The following ZSCAN5A variants were observed in gnomAD, a reference collection of about 807,000 sequenced individuals.
ZSCAN5A encodes zinc finger and SCAN domain-containing protein 5A.
ZSCAN5A carries 12 observed loss-of-function variants against 23.7 expected under a neutral mutation model. The observed-to-expected ratio is 0.51, with a 90% CI of 0.32 to 0.82. ZSCAN5A has a LOEUF of 0.82. Among genes scored for constraint, ZSCAN5A ranks in the 40% least tolerant of loss-of-function variants. ZSCAN5A has a pLI of 0.03. For missense variants in ZSCAN5A, 597 were observed against 617.9 expected (o/e 0.97, Z 0.36); for synonymous variants, 257 against 239.9 (o/e 1.07, Z -0.66).
At chr19:56,295,654 T>C (rs1342559056) in intron 2 of ZSCAN5A, among the ~76,000 whole-genome samples, 1 of 152,042 alleles carries the variant, frequency 6.6e-6, no homozygotes, top group East Asian at 1.9e-4. Flanking sequence ...GCGTGGCGGC[T>C]TCCTTCCCAG....
At chr19:56,350,999 C>G (rs898023771) in intron 2 of ZSCAN5A, among the ~76,000 whole-genome samples, 4 of 152,060 alleles carry the variant, frequency 2.6e-5, no homozygotes, top group African/African-American at 7.2e-5. Context: ...TGTCCCCCCC[C>G]AACCACACGC....
intron 1 of ZSCAN5A, chr19:56,364,945 A>C (rs2041755838): frequency 6.6e-6 from 1 of 152,210 alleles, no homozygotes; most frequent in Non-Finnish European, 1.5e-5. Flanking sequence ...TGTGATGGAA[A>C]TATTCTTTAC....
chr19:56,264,814 G>C (rs1264155427), intron 2 of ZSCAN5A, among the ~76,000 whole-genome samples: 1 of 152,086 alleles, frequency 6.6e-6, no homozygotes, highest in Non-Finnish European at 1.5e-5. Flanking sequence ...TCACACTAAA[G>C]CTTTTAGTCA....
chr19:56,233,776 A>T (rs2034660003), intron 2 of ZSCAN5A, among the ~76,000 whole-genome samples: 1 of 151,870 alleles, frequency 6.6e-6, no homozygotes, highest in Admixed American at 6.6e-5. Flanking sequence ...ACACTGTATC[A>T]GCATGTGTGT....
At chr19:56,234,352 G>A (rs988150351) in intron 2 of ZSCAN5A, among the ~76,000 whole-genome samples, 13 of 152,192 alleles carry the variant, frequency 8.5e-5, no homozygotes, top group Non-Finnish European at 1.3e-4. Flanking sequence ...AACAAGCTCT[G>A]AAGATATATT....
chr19:56,345,683 T>C (rs2041626579), intron 2 of ZSCAN5A, among the ~76,000 whole-genome samples: 1 of 152,214 alleles, frequency 6.6e-6, no homozygotes, highest in Non-Finnish European at 1.5e-5. Context: ...ATCCTTTAAC[T>C]GGCTCTCTGA....
At chr19:56,231,991 C>CTTT (rs1357492276) in intron 2 of ZSCAN5A, among the ~76,000 whole-genome samples, 1 of 34,340 alleles carries the variant, frequency 2.9e-5, no homozygotes, top group African/African-American at 1.2e-4. Context: ...TTCTTTTTTT[C>CTTT]TTTTCTTTTT....
intron 1 of ZSCAN5A, among the ~76,000 whole-genome samples, chr19:56,367,643 G>C (rs527856550): frequency 6.6e-6 from 1 of 152,272 alleles, no homozygotes; most frequent in East Asian, 1.9e-4. Context: ...TTTGTGCCAG[G>C]CACATTTATG....
rs950189850 is a variant in ZSCAN5A, at chr19:56,238,711, A to G, written c.-127-13538T>C. Among the ~76,000 whole-genome samples the G allele has an allele frequency of 9.6e-4, 146 of 152,258 alleles. 2 individuals are homozygous for G. The highest frequency in any genetic ancestry group is 9.9e-4 in the Non-Finnish European group (67 of 68,018). ...AGAAAAACTATAAAATACTGATGAG[A>G]GGAAATGAAGAGGGCACACAAATGG... On this transcript the variant is annotated intron_variant, in intron 2 of 5. Transcript: ENST00000683990.
chr19:56,358,627 T>A (rs1223282658), intron 2 of ZSCAN5A, among the ~76,000 whole-genome samples: 1 of 152,162 alleles, frequency 6.6e-6, no homozygotes, highest in Non-Finnish European at 1.5e-5. Context: ...GAACATACAT[T>A]TTTCTCAGTA....
rs545219757 is a variant in ZSCAN5A, at chr19:56,231,375, T to G, written c.-127-6202A>C. ...GTATGTACCATTTTTATTTGTAAAT[T>G]TATAAAGTTAATAATAATAATGACA... On this transcript the variant is annotated intron_variant, in intron 2 of 5. Coordinates refer to ENST00000683990, the MANE Select transcript of ZSCAN5A (RefSeq NM_001322064.3). 7.2e-5 allele frequency among the ~76,000 whole-genome samples: 11 copies of G among 152,342 alleles called. No homozygotes were observed. In the South Asian group the frequency reaches 2.1e-3, roughly 29 times the overall value.
At chr19:56,354,224 T>C (rs1431061269) in intron 2 of ZSCAN5A, among the ~76,000 whole-genome samples, 1 of 151,098 alleles carries the variant, frequency 6.6e-6, no homozygotes, top group Non-Finnish European at 1.5e-5. Flanking sequence ...GTGGTGATGG[T>C]TGCATGATAA....
chr19:56,223,895 C>T, intron 3 of ZSCAN5A, 61 bp from the exon 4 acceptor site: 4 of 1,446,694 alleles, frequency 2.8e-6, no homozygotes, highest in Admixed American at 1.8e-5. Flanking sequence ...CTCTCATATT[C>T]CCTGGGTCCT....
In ZSCAN5A at chr19:56,223,657, T is replaced by G. The variant is rs780427415; in HGVS notation, c.562A>C (p.Arg188=). ...TGCCTCCTGGACAATGCAGGGACCC[T>G]GGGCAGGATCTGCAGCTCTCGGTGG... ...QAHRELQILP[R]VPALSRRQGE... is the part of the protein sequence containing the mutation. The change falls in exon 4 of 6, where the codon AGG becomes CGG. Residue 188 remains arginine (R), a synonymous_variant. Coordinates refer to ENST00000683990, the MANE Select transcript of ZSCAN5A (RefSeq NM_001322064.3). 1.2e-6 allele frequency: 2 copies of G among 1,613,692 alleles called. No homozygotes were observed. Among genetic ancestry groups the G allele is most frequent in the Non-Finnish European group, 1.7e-6 (2 of 1,179,962 alleles).
intron 2 of ZSCAN5A, among the ~76,000 whole-genome samples, chr19:56,257,003 A>G (rs1389782813): frequency 6.6e-6 from 1 of 152,194 alleles, no homozygotes; most frequent in Non-Finnish European, 1.5e-5. Flanking sequence ...TTAACTTAAC[A>G]TGTGGGATGT....
intron 2 of ZSCAN5A, among the ~76,000 whole-genome samples, chr19:56,237,681 A>G (rs528676417): frequency 6.6e-6 from 1 of 152,108 alleles, no homozygotes; most frequent in South Asian, 2.1e-4. Context: ...TTAATTTGGG[A>G]AGCTGAGACG....
chr19:56,358,716 A>G lies in ZSCAN5A; in HGVS notation c.-358+4519T>C, dbSNP rs540007057. On this transcript the variant is annotated intron_variant, in intron 2 of 6. Coordinates refer to the ZSCAN5A transcript ENST00000587340. The stretch of plus-strand genomic sequence containing the variant: ...CAGCAAATGCAAAAGAACTGAAATC[A>G]TAACAGTCTCTCAGTCCACAGCACA... 5.3e-5 allele frequency among the ~76,000 whole-genome samples: 8 copies of G among 152,320 alleles called. No individual in the cohort carries two copies. In the South Asian group the frequency reaches 8.3e-4, roughly 16 times the overall value.
chr19:56,339,323 T>A lies in ZSCAN5A; in HGVS notation c.-357-23055A>T, dbSNP rs8100966. 1.3e-4 allele frequency among the ~76,000 whole-genome samples: 16 copies of A among 119,258 alleles called. No homozygotes were observed. In the East Asian group the frequency reaches 2.1e-3, roughly 15 times the overall value. The allele number at this position is 119,258 out of a possible 152,430, so 78.2% of individuals were successfully genotyped here. A position where few individuals can be genotyped will look rare whatever the true frequency, so the allele number is the denominator to read the frequency against. On this transcript the variant is annotated intron_variant, in intron 2 of 6. Coordinates refer to the ZSCAN5A transcript ENST00000587340. ...GGCTGTAGCCGCATTTAGCAATATGTGAAGGAGCGGCTGTAGCCGCATTTA... is the reference window on the plus strand; with the variant it reads ...GGCTGTAGCCGCATTTAGCAATATGAGAAGGAGCGGCTGTAGCCGCATTTA...
chr19:56,250,747 A>G (rs968679663), intron 2 of ZSCAN5A, among the ~76,000 whole-genome samples: 10 of 152,200 alleles, frequency 6.6e-5, no homozygotes, highest in Non-Finnish European at 1.5e-4. Flanking sequence ...TCCACCCATT[A>G]TCACATGGCA....
Sources: gnomAD v4.1 joint callset for allele counts (sites outside exome capture counted in the v4.1 genomes callset) on GRCh38, gnomAD v4.1.1 for gene constraint, MANE v1.5 for transcripts, NCBI Gene and HGNC (gene_info 2026-07-23, HGNC 2026-07-21) for gene names.